LRRIQ1: variants seen among roughly 807,000 people sequenced by gnomAD.
LRRIQ1 encodes leucine rich repeats and IQ motif containing 1.
LRRIQ1 carries 210 observed loss-of-function variants against 211.9 expected under a neutral mutation model. The ratio of observed to expected loss-of-function variants is 0.99; its 90% confidence interval spans 0.89 to 1.11. The LOEUF (loss-of-function observed/expected upper bound fraction) is 1.11. Ranked by LOEUF, LRRIQ1 falls within the 50% of genes most tolerant of loss-of-function variation. The pLI is 0.00. For synonymous variants in LRRIQ1, 699 were observed against 650.1 expected (o/e 1.08, Z -1.14); for missense variants, 2,136 against 1,939.5 (o/e 1.10, Z -1.90).
At chr12:85,110,412 A>G in intron 15 of LRRIQ1, among the ~76,000 whole-genome samples, 1 of 152,104 alleles carries the variant, frequency 6.6e-6, no homozygotes, top group East Asian at 1.9e-4. Context: ...TATGTAACCC[A>G]GCCTCCCATT....
intron 24 of LRRIQ1, among the ~76,000 whole-genome samples, chr12:85,163,033 C>G (rs1890976118): frequency 6.6e-6 from 1 of 152,002 alleles, no homozygotes; most frequent in Non-Finnish European, 1.5e-5. Context: ...CCAAGTTGAA[C>G]CCCATGTTGT....
chr12:85,121,500 A>G (rs1887981988), intron 15 of LRRIQ1, among the ~76,000 whole-genome samples, 197 bp from the exon 16 acceptor site: 1 of 152,208 alleles, frequency 6.6e-6, no homozygotes, highest in Non-Finnish European at 1.5e-5. Context: ...TACTTTGTAT[A>G]TGACCTGATG....
At chr12:85,233,686 C>T (rs78496991) in intron 26 of LRRIQ1, among the ~76,000 whole-genome samples, 2,969 of 152,152 alleles carry the variant, frequency 0.02, 98 homozygotes, top group African/African-American at 0.068. Flanking sequence ...AGCTAAATTG[C>T]GTGTGTTTTG....
exon 2 of LRRIQ1, chr12:85,262,967 T>A: frequency 1.0e-6 from 1 of 987,436 alleles, no homozygotes; most frequent in Non-Finnish European, 1.2e-6. Context: ...ATACAAGACC[T>A]TCTAAAAAAG....
rs76847915 is a variant in LRRIQ1 at position 85,214,134 on chromosome 12, A to G, written c.4823-15383A>G. On this transcript the variant is annotated intron_variant, in intron 24 of 26. Transcript: ENST00000393217. ...AGAAGGAAAAGAAATGCAACCAGTA[A>G]TAATATTTTTTAATCAAATATTGAA... is the stretch of plus-strand genomic sequence containing the variant. 4.5e-3 allele frequency among the ~76,000 whole-genome samples: 680 copies of G among 152,224 alleles called. 25 individuals are homozygous for G. In the East Asian group the frequency reaches 0.081, roughly 18 times the overall value.
intron 15 of LRRIQ1, among the ~76,000 whole-genome samples, chr12:85,116,729 C>A (rs114287025): frequency 2.6e-3 from 394 of 152,150 alleles, no homozygotes; most frequent in African/African-American, 9.0e-3. Flanking sequence ...TCAAGTAGAC[C>A]CCAATGTCTG....
intron 11 of LRRIQ1, among the ~76,000 whole-genome samples, chr12:85,080,100 C>T (rs1702359): frequency 0.016 from 2,465 of 152,022 alleles, 61 homozygotes; most frequent in African/African-American, 0.057. Context: ...CATATACGTA[C>T]GTGTGTGTGT....
At chr12:85,102,967 T>A (rs866619706) in intron 13 of LRRIQ1, among the ~76,000 whole-genome samples, 80 of 135,998 alleles carry the variant, frequency 5.9e-4, no homozygotes, top group South Asian at 2.1e-3. Flanking sequence ...AAAATATATA[T>A]ATATATATAT....
chr12:85,047,525 A>T lies in LRRIQ1; in HGVS notation c.678+55A>T, dbSNP rs766452648. Reference sequence around the variant, plus strand: ...TAAAATCAGTAGCTACCTCTGAAGAATATTGATATTTGGATTGTGTTGCAG... The same window carrying T: ...TAAAATCAGTAGCTACCTCTGAAGATTATTGATATTTGGATTGTGTTGCAG... On this transcript the variant is annotated intron_variant, in intron 6 of 26. Transcript: ENST00000393217. 4.3e-6 allele frequency: 6 copies of T among 1,407,924 alleles called. No individual in the cohort carries two copies. The South Asian group carries it at 7.3e-5, about 17-fold the overall frequency. 87.2% of individuals were successfully genotyped at this position (1,407,924 alleles called of 1,614,324 possible).
intron 24 of LRRIQ1, among the ~76,000 whole-genome samples, chr12:85,207,641 G>A (rs1360030970): frequency 6.6e-6 from 1 of 152,028 alleles, no homozygotes; most frequent in Non-Finnish European, 1.5e-5. Context: ...TCTCCTAGTA[G>A]TTTTATAGTT....
chr12:85,240,999 A>G (rs1467820042), intron 26 of LRRIQ1, among the ~76,000 whole-genome samples: 2 of 152,118 alleles, frequency 1.3e-5, no homozygotes, highest in Non-Finnish European at 1.5e-5. Flanking sequence ...CATAATTTAT[A>G]CATATGATAA....
At chr12:85,037,777 C>G (rs144584863) in intron 1 of LRRIQ1, among the ~76,000 whole-genome samples, 67 of 152,054 alleles carry the variant, frequency 4.4e-4, no homozygotes, top group African/African-American at 1.5e-3. Context: ...CTAAGACCAA[C>G]AGTGAAAAAT....
At chr12:85,047,226 T>G in intron 5 of LRRIQ1, 21 bp from the exon 6 acceptor site, 1 of 1,530,576 alleles carries the variant, frequency 6.5e-7, no homozygotes, top group Non-Finnish European at 8.8e-7. Flanking sequence ...ATGATGATGT[T>G]ATTTTTCTTC....
At chr12:85,267,471 G>C (rs898156686), downstream of LRRIQ1, among the ~76,000 whole-genome samples, 3 of 151,952 alleles carry the variant, frequency 2.0e-5, no homozygotes, top group Non-Finnish European at 2.9e-5. Context: ...ATTTGTAAAT[G>C]TTAATACATG....
At chr12:85,118,065 C>A (rs1887704853) in intron 15 of LRRIQ1, among the ~76,000 whole-genome samples, 1 of 152,078 alleles carries the variant, frequency 6.6e-6, no homozygotes, top group South Asian at 2.1e-4. Flanking sequence ...AAGATTATCC[C>A]TGGTGATTAT....
chr12:85,107,395 T>G (rs1886858403), intron 15 of LRRIQ1, among the ~76,000 whole-genome samples: 3 of 152,128 alleles, frequency 2.0e-5, no homozygotes, highest in Admixed American at 1.3e-4. Context: ...TTTTATGGCT[T>G]TCATTGTTTC....
rs574936993 is a variant in LRRIQ1 at position 85,092,339 on chromosome 12, C to A, written c.2888-6016C>A. Among the ~76,000 whole-genome samples, 3 of 152,238 alleles carry A rather than the reference C, an allele frequency of 2.0e-5. No homozygotes were observed. In the South Asian group the frequency reaches 6.2e-4, roughly 32 times the overall value. Reference sequence around the variant, plus strand: ...AACACTTATTTTAGTCTGTGTGTGGCCCACTCATTATTTTATTTATCATTT... The same window carrying A: ...AACACTTATTTTAGTCTGTGTGTGGACCACTCATTATTTTATTTATCATTT... On this transcript the variant is annotated intron_variant, in intron 11 of 26. Coordinates refer to ENST00000393217, the MANE Select transcript of LRRIQ1 (RefSeq NM_001079910.2).
rs146775979 is a variant in LRRIQ1 at position 85,151,132 on chromosome 12, G to GAT, written c.4330-1135_4330-1134dup. On this transcript the variant is annotated intron_variant, in intron 19 of 26. Transcript: ENST00000393217. Reference sequence around the variant, plus strand: ...TATATATTAAACCATATATAACTATGATATATATATATATGTATATGTTAA... The same window carrying GAT: ...TATATATTAAACCATATATAACTATGATATATATATATATATGTATATGTTAA... Among the ~76,000 whole-genome samples, 1,265 of 149,708 alleles carry GAT rather than the reference G, an allele frequency of 8.4e-3. 9 individuals carry two copies. The highest frequency in any genetic ancestry group is 0.016 in the South Asian group (78 of 4,764).
chr12:85,051,995 G>C (rs1176771527), intron 6 of LRRIQ1, among the ~76,000 whole-genome samples, 182 bp from the exon 7 acceptor site: 1 of 152,070 alleles, frequency 6.6e-6, no homozygotes, highest in Non-Finnish European at 1.5e-5. Flanking sequence ...GAAACCCTAG[G>C]TATTATGTGA....
Sources: allele counts gnomAD v4.1 joint callset (sites outside exome capture counted in the v4.1 genomes callset), GRCh38; gene constraint gnomAD v4.1.1; transcripts MANE v1.5; gene names NCBI Gene and HGNC (gene_info 2026-07-23, HGNC 2026-07-21).